GREB1: variants seen among roughly 807,000 people sequenced by gnomAD.
GREB1 encodes the protein protein GREB1.
GREB1 carries 106 observed loss-of-function variants against 200.7 expected under a neutral mutation model. That is an observed-to-expected ratio of 0.53 (90% CI 0.45 to 0.62). The LOEUF (loss-of-function observed/expected upper bound fraction) is 0.62, where lower values mean the gene tolerates loss of function less well. Among genes scored for constraint, GREB1 ranks in the 20% least tolerant of loss-of-function variants. The pLI is 0.00. For missense variants in GREB1, 2,243 were observed against 2,556.8 expected, an observed-to-expected ratio of 0.88 and a Z score of 2.65; for synonymous variants, 1,132 against 1,092.4, an observed-to-expected ratio of 1.04 and a Z score of -0.72.
chr2:11,544,570 A>C (rs890817728), intron 1 of GREB1, among the ~76,000 whole-genome samples: 12 of 152,036 alleles, frequency 7.9e-5, no homozygotes, highest in African/African-American at 2.9e-4. Flanking sequence ...TGGCTGTTCT[A>C]TTCTAAGGAG....
chr2:11,635,414 C>T lies in GREB1; in HGVS notation c.5346+9C>T. On this transcript the variant is annotated intron_variant, in intron 30 of 32. Transcript: ENST00000381486. ...TCCACATCACATCCAAGGTGAGCTC[C>T]TCGCTGCTGGGCAGGCCTCTATGTC... is the stretch of plus-strand genomic sequence containing the variant. 1 of 1,599,822 alleles carries T rather than the reference C, an allele frequency of 6.3e-7. No homozygotes were observed. Among genetic ancestry groups the T allele is most frequent in the Non-Finnish European group, 8.5e-7 (1 of 1,172,820 alleles).
chr2:11,587,741 A>ACACACACACGCGCGCGCGCGCG lies in GREB1; in HGVS notation c.1160-1004_1160-1003insACACACACGCGCGCGCGCGCGC. On this transcript the variant is annotated intron_variant, in intron 9 of 32. Coordinates refer to ENST00000381486, the MANE Select transcript of GREB1 (RefSeq NM_014668.4). The stretch of plus-strand genomic sequence containing the variant: ...CACACACACACACACACACACACAC[A>ACACACACACGCGCGCGCGCGCG]CGCCACCTTTGGGAGCTCAGCAGCC... 3 of 772,966 alleles carry ACACACACACGCGCGCGCGCGCG rather than the reference A, an allele frequency of 3.9e-6. No individual in the cohort carries two copies. In the African/African-American group the frequency reaches 5.3e-5, roughly 14 times the overall value. 47.9% of individuals were successfully genotyped at this position (772,966 alleles called of 1,614,324 possible). A position where few individuals can be genotyped will look rare whatever the true frequency, so the allele number is the denominator to read the frequency against.
chr2:11,502,360 A>G (rs983204123), intron 1 of GREB1, among the ~76,000 whole-genome samples: 48 of 149,006 alleles, frequency 3.2e-4, no homozygotes, highest in Non-Finnish European at 2.5e-4. Context: ...AGTTGTTACT[A>G]CAGGCATGCA....
At position 11,640,400 on chromosome 2, in the gene GREB1, C is replaced by G; in HGVS notation, c.5796C>G (p.Thr1932=). 1 of 1,614,230 alleles carries G rather than the reference C, an allele frequency of 6.2e-7. No individual in the cohort carries two copies. Among genetic ancestry groups the G allele is most frequent in the Non-Finnish European group, 8.5e-7 (1 of 1,180,042 alleles). The change falls in exon 33 of 33, where the codon ACC becomes ACG. Residue 1932 remains threonine, a synonymous_variant. Coordinates refer to ENST00000381486, the MANE Select transcript of GREB1 (RefSeq NM_014668.4). This position sits in a 1 kb window ranked among gnomAD's most constrained non-coding sequence, Gnocchi z 4.6. ...TCCGGCTGCGCGATGAGTTCCAGACCGCCAATGCCAGGGAAGACCGGCCGC... is the reference window on the plus strand; with the variant it reads ...TCCGGCTGCGCGATGAGTTCCAGACGGCCAATGCCAGGGAAGACCGGCCGC... ...WQFRLRDEFQ[T]ANAREDRPLF... is the part of the protein sequence containing the mutation.
intron 1 of GREB1, among the ~76,000 whole-genome samples, chr2:11,541,053 T>A (rs997240959): frequency 6.6e-6 from 1 of 152,222 alleles, no homozygotes; most frequent in Admixed American, 6.5e-5. Flanking sequence ...GGAGGGAGCA[T>A]GGGTCAGTGA....
chr2:11,521,967 C>A (rs1673719940), intron 1 of GREB1, among the ~76,000 whole-genome samples: 2 of 152,332 alleles, frequency 1.3e-5, no homozygotes, highest in Admixed American at 6.5e-5. Flanking sequence ...CTCTGCTTTT[C>A]TCCCGCTGGG....
chr2:11,623,673 T>C (rs1365918915), intron 23 of GREB1, among the ~76,000 whole-genome samples: 1 of 152,182 alleles, frequency 6.6e-6, no homozygotes, highest in African/African-American at 2.4e-5. Context: ...GGTGGATCAT[T>C]TGAGGCCAGG....
At chr2:11,514,120 A>G (rs1000085244) in intron 1 of GREB1, among the ~76,000 whole-genome samples, 2 of 152,208 alleles carry the variant, frequency 1.3e-5, no homozygotes, top group Admixed American at 6.5e-5. Context: ...TTGAATCTAC[A>G]TGACAAAAGG....
intron 10 of GREB1, chr2:11,591,601 G>C (rs1311334580): frequency 9.7e-6 from 6 of 620,344 alleles, no homozygotes; most frequent in Non-Finnish European, 1.8e-5. Context: ...CTTGTCCGAT[G>C]CACCGTTCGC....
intron 7 of GREB1, among the ~76,000 whole-genome samples, chr2:11,582,480 G>A (rs1572801834): frequency 1.3e-5 from 2 of 152,206 alleles, no homozygotes; most frequent in East Asian, 3.9e-4. Flanking sequence ...GCTCTGGGCT[G>A]CTCTCTCCAC....
chr2:11,520,864 T>C (rs1029611824), intron 1 of GREB1, among the ~76,000 whole-genome samples: 4 of 152,136 alleles, frequency 2.6e-5, no homozygotes, highest in African/African-American at 9.7e-5. Context: ...TATCCTGCTT[T>C]CCATAGGTAG....
At chr2:11,546,721 C>T (rs188005865) in intron 1 of GREB1, among the ~76,000 whole-genome samples, 1 of 152,300 alleles carries the variant, frequency 6.6e-6, no homozygotes, top group African/African-American at 2.4e-5. Flanking sequence ...AAACCCTGCT[C>T]TGCTCAGGAG....
chr2:11,614,809 C>T (rs111736208), intron 19 of GREB1, among the ~76,000 whole-genome samples: 3,315 of 150,490 alleles, frequency 0.022, 136 homozygotes, highest in African/African-American at 0.076. Context: ...GTGATCCGCC[C>T]GCCTCGGCCT....
chr2:11,568,230 C>G (rs1677887000), intron 4 of GREB1, among the ~76,000 whole-genome samples: 1 of 152,174 alleles, frequency 6.6e-6, no homozygotes. Flanking sequence ...TAAACTCACT[C>G]CACGGGTAGT....
intron 22 of GREB1, among the ~76,000 whole-genome samples, chr2:11,620,681 G>A (rs557146076): frequency 5.8e-4 from 88 of 152,268 alleles, no homozygotes; most frequent in Non-Finnish European, 9.1e-4. Flanking sequence ...CTAGAGATGC[G>A]TGTGCGACGA....
chr2:11,637,877 A>C lies in GREB1; in HGVS notation c.5508A>C (p.Pro1836=). 1.2e-6 allele frequency: 2 copies of C among 1,614,192 alleles called. No individual in the cohort carries two copies. The highest frequency in any genetic ancestry group is 1.7e-6 in the Non-Finnish European group (2 of 1,180,046). The change falls in exon 31 of 33, where the codon CCA becomes CCC. Residue 1836 remains proline (P), a synonymous_variant. Transcript: ENST00000381486. ...TGTCCCTGAAGAACCATGACCACCC[A>C]GTGCTGTCTGTCGACTGTTACCTGA... is the stretch of plus-strand genomic sequence containing the variant. ...FPLSLKNHDH[P]VLSVDCYLNL...
rs759873232 is a variant in GREB1, at chr2:11,593,108, T to C, written c.1678T>C (p.Ser560Pro). ...ICACRSAAIDSCIAVTGKYQA... is the reference protein window; with the variant it reads ...ICACRSAAIDPCIAVTGKYQA... ...CGCCTGCCGCAGCGCGGCCATCGAC[T>C]CCTGCATCGCCGTCACCGGTGAGCT... The change falls in exon 11 of 33, where the codon TCC (serine) becomes CCC (proline). Residue 560 changes from serine (S) to proline (P), a missense_variant. Physicochemically the swap from Ser to Pro is moderately conservative, Grantham distance 74. Coordinates refer to ENST00000381486, the MANE Select transcript of GREB1 (RefSeq NM_014668.4). 38 of 1,605,042 alleles carry C rather than the reference T, an allele frequency of 2.4e-5. No individual in the cohort carries two copies. Among genetic ancestry groups the C allele is most frequent in the Non-Finnish European group, 4.3e-6 (5 of 1,174,792 alleles).
At chr2:11,608,631 T>C (rs1250415436) in intron 17 of GREB1, among the ~76,000 whole-genome samples, 1 of 152,258 alleles carries the variant, frequency 6.6e-6, no homozygotes, top group Non-Finnish European at 1.5e-5. Context: ...GCGCTAACTT[T>C]GCCCATTACT....
intron 1 of GREB1, among the ~76,000 whole-genome samples, chr2:11,484,654 AC>A (rs1338069903): frequency 1.3e-5 from 2 of 151,864 alleles, no homozygotes; most frequent in African/African-American, 4.8e-5. Context: ...GTGTGGTGGC[AC>A]ATGCCTGTAG....
Sources: gnomAD v4.1 joint callset for allele counts (sites outside exome capture counted in the v4.1 genomes callset) on GRCh38, gnomAD v4.1.1 for gene constraint, Gnocchi (gnomAD v3.1) non-coding constraint, MANE v1.5 for transcripts, NCBI Gene and HGNC (gene_info 2026-07-23, HGNC 2026-07-21) for gene names.